RUSC1: variants seen among roughly 807,000 people sequenced by gnomAD.
RUSC1 encodes AP-4 complex accessory subunit RUSC1.
RUSC1 carries 40 observed loss-of-function variants against 72.1 expected under a neutral mutation model. The ratio of observed to expected loss-of-function variants is 0.55; its 90% CI spans 0.43 to 0.72. RUSC1 has a LOEUF of 0.72. RUSC1 is among the 30% of genes least tolerant of loss of function. The pLI is 0.00. For synonymous variants in RUSC1, 512 were observed against 494.2 expected (o/e 1.04, Z -0.48); for missense variants, 1,092 against 1,172.3 (o/e 0.93, Z 1.00).
rs1457575320 is a variant in RUSC1 at position 155,328,219 on chromosome 1, G to A, written c.2484G>A (p.Glu828=). ...TTGTGAAGCGGGGGGCACCTCCCGA[G>A]ATGCCTTCTCCTCAGGAGCTTGAGG... ...LALVKRGAPP[E]MPSPQELEAS... Residue 828 remains glutamate, a synonymous_variant, in exon 9 of 10, where the codon GAG becomes GAA. Transcript: ENST00000368352. 2 of 1,613,448 alleles carry A rather than the reference G, an allele frequency of 1.2e-6. No homozygotes were observed. The highest frequency in any genetic ancestry group is 3.3e-5 in the Admixed American group (2 of 59,948).
At position 155,325,406 on chromosome 1, in the gene RUSC1, G is replaced by C. The variant is rs1377930454; in HGVS notation, c.1624G>C (p.Gly542Arg). ...GGCCCTCCACGCCCTGGTGGCGGAC[G>C]GGCTGAAGCCTTTCCGGAAGGACCT... ...CPALHALVAD[G>R]LKPFRKDLIT... The change falls in exon 5 of 10, where the codon GGG (glycine) becomes CGG (arginine). Residue 542 changes from glycine (G) to arginine (R), a missense_variant. Physicochemically the swap from Gly to Arg is moderately radical, Grantham distance 125. Coordinates refer to ENST00000368352, the MANE Select transcript of RUSC1 (RefSeq NM_001105203.2). The surrounding 1 kb of genome is among the most constrained non-coding windows in gnomAD (Gnocchi z 6.5). 1 of 1,592,072 alleles carries C rather than the reference G, an allele frequency of 6.3e-7. No individual in the cohort carries two copies. Among genetic ancestry groups the C allele is most frequent in the Non-Finnish European group, 8.5e-7 (1 of 1,173,624 alleles).
chr1:155,326,954 G>C lies in RUSC1; in HGVS notation c.2236G>C (p.Glu746Gln), dbSNP rs1422650784. Residue 746 changes from glutamate to glutamine, a missense_variant, in exon 8 of 10, where the codon GAG becomes CAG. Coordinates refer to ENST00000368352, the MANE Select transcript of RUSC1 (RefSeq NM_001105203.2). The surrounding 1 kb of genome is among the most constrained non-coding windows in gnomAD (Gnocchi z 4.7). The part of the protein sequence containing the change: ...ASRVYASGGT[E>Q]GFPLSRWAPG... ...CCGGGTCTATGCCTCTGGGGGCACTGAGGGCTTTCCTCTTTCCCGATGGGC... is the reference window on the plus strand; with the variant it reads ...CCGGGTCTATGCCTCTGGGGGCACTCAGGGCTTTCCTCTTTCCCGATGGGC... 1.2e-5 allele frequency: 19 copies of C among 1,613,826 alleles called. No homozygotes were observed. The highest frequency in any genetic ancestry group is 1.6e-5 in the Non-Finnish European group (19 of 1,180,048).
In RUSC1 at chr1:155,325,701, C is replaced by G. The variant is rs749753645; in HGVS notation, c.1814+29C>G. On this transcript the variant is annotated intron_variant, in intron 6 of 9. Transcript: ENST00000368352. This position sits in a 1 kb window ranked among gnomAD's most constrained non-coding sequence, Gnocchi z 6.5. ...AGTTGCCTTCTTTCCAGTGCCCTTC[C>G]CACGACCTGGGACTGCAGGAGCGTC... 8 of 1,611,046 alleles carry G rather than the reference C, an allele frequency of 5.0e-6. No individual in the cohort carries two copies. The South Asian group carries it at 8.8e-5, about 18-fold the overall frequency.
intron 2 of RUSC1, chr1:155,324,295 C>T (rs1413182143): frequency 3.2e-6 from 5 of 1,557,246 alleles, no homozygotes; most frequent in Non-Finnish European, 4.3e-6. Flanking sequence ...AAGAGGGCAC[C>T]CTCCGCCAAG....
rs376333681 is a variant in RUSC1, at chr1:155,322,381, C to T, written c.608C>T (p.Ala203Val). 22 of 1,613,916 alleles carry T rather than the reference C, an allele frequency of 1.4e-5. No homozygotes were observed. The highest frequency in any genetic ancestry group is 8.9e-5 in the East Asian group (4 of 44,890). ...GGCTTGGAGGAAGAGGACGAGAGGG[C>T]GGAGCAGGATCTCCCTACCTCTGAG... Reference protein sequence around the residue: ...SPGLEEEDERAEQDLPTSELL... With the variant: ...SPGLEEEDERVEQDLPTSELL... Residue 203 changes from alanine (A) to valine (V), a missense_variant, in exon 2 of 10, where the codon GCG becomes GTG. Ala to Val is a moderately conservative substitution (Grantham distance 64). Transcript: ENST00000368352.
rs1650651019 is a variant in RUSC1 at position 155,322,285 on chromosome 1, C to T, written c.512C>T (p.Ser171Phe). The change falls in exon 2 of 10, where the codon TCT (serine) becomes TTT (phenylalanine). Residue 171 changes from serine to phenylalanine, a missense_variant. Coordinates refer to ENST00000368352, the MANE Select transcript of RUSC1 (RefSeq NM_001105203.2). ...TCTCCTGATTCCTGCTCCGGAGCTT[C>T]TTCTTCACCCGATCCTGGCCTGGAC... ...CCSPDSCSGA[S>F]SSPDPGLDSN... The T allele has an allele frequency of 6.2e-7, 1 of 1,611,508 alleles. No homozygotes were observed. Among genetic ancestry groups the T allele is most frequent in the African/African-American group, 1.3e-5 (1 of 74,966 alleles).
At chr1:155,327,274 C>T (rs1651519212) in intron 8 of RUSC1, 142 bp downstream of exon 8, 2 of 856,536 alleles carry the variant, frequency 2.3e-6, no homozygotes, top group Middle Eastern at 3.4e-4. Flanking sequence ...AAAATGGTTA[C>T]ATTTTAATGG....
chr1:155,325,061 G>A lies in RUSC1; in HGVS notation c.1457-41G>A. On this transcript the variant is annotated intron_variant, in intron 3 of 9. Transcript: ENST00000368352. The surrounding 1 kb of genome is among the most constrained non-coding windows in gnomAD (Gnocchi z 6.5). ...CGCCCCTCGGGCAAGCCTGGGTAGG[G>A]GCGCGGCCTCCTAGCGTCTTCCCTT... 1 of 1,614,112 alleles carries A rather than the reference G, an allele frequency of 6.2e-7. No individual in the cohort carries two copies. The highest frequency in any genetic ancestry group is 1.6e-4 in the Middle Eastern group (1 of 6,062).
intron 9 of RUSC1, among the ~76,000 whole-genome samples, chr1:155,328,534 G>C (rs1168189336): frequency 6.6e-6 from 1 of 151,568 alleles, no homozygotes; most frequent in Non-Finnish European, 1.5e-5. Flanking sequence ...CCCTTCCTGG[G>C]TTCTCCTGTC....
At chr1:155,328,025 G>A in intron 8 of RUSC1, 125 bp from the exon 9 acceptor site, 2 of 1,264,654 alleles carry the variant, frequency 1.6e-6, no homozygotes, top group Non-Finnish European at 1.1e-6. Flanking sequence ...GCCCTCAGCA[G>A]TGACTAACCC....
chr1:155,324,195 G>A, intron 2 of RUSC1: 1 of 1,403,330 alleles, frequency 7.1e-7, no homozygotes, highest in African/African-American at 1.5e-5. Flanking sequence ...GACCTTGCTA[G>A]GGAGGGGTGG....
rs747395946 is a variant in RUSC1, at chr1:155,330,388, T to C, written c.2541-15T>C. On this transcript the variant is annotated splice_polypyrimidine_tract_variant and intron_variant, in intron 9 of 9. Transcript: ENST00000368352. ...ACCTCACCTCATCCCAGTATCTTCC[T>C]CTGGCTCCCCTCAGGGCAGTGCGGG... is the stretch of plus-strand genomic sequence containing the variant. The C allele has an allele frequency of 1.2e-6, 2 of 1,612,224 alleles. No individual in the cohort carries two copies. Among genetic ancestry groups the C allele is most frequent in the Admixed American group, 3.3e-5 (2 of 59,992 alleles).
In RUSC1 at chr1:155,322,875, G is replaced by A; in HGVS notation, c.1102G>A (p.Val368Ile). ...PGGSSAPPRE[V>I]TTFKELRSRS... ...CGGCTCCTCGGCACCTCCTCGGGAA[G>A]TCACCACCTTCAAGGAACTCCGGTC... Residue 368 changes from valine (V) to isoleucine (I), a missense_variant, in exon 2 of 10, where the codon GTC (valine) becomes ATC (isoleucine). Transcript: ENST00000368352. The A allele has an allele frequency of 6.2e-7, 1 of 1,612,622 alleles. No homozygotes were observed.
rs747363737 is a variant in RUSC1 at position 155,322,417 on chromosome 1, C to T, written c.644C>T (p.Ala215Val). The change falls in exon 2 of 10, where the codon GCG (alanine) becomes GTG (valine). Residue 215 changes from alanine to valine, a missense_variant. By Grantham distance (64) the Ala-to-Val change is moderately conservative. Transcript: ENST00000368352. ...CTCCCTACCTCTGAGCTCTTAGAGGCGGATGATGGGAAAATCGACGCTGGG... is the reference window on the plus strand; with the variant it reads ...CTCCCTACCTCTGAGCTCTTAGAGGTGGATGATGGGAAAATCGACGCTGGG... Reference protein sequence around the residue: ...QDLPTSELLEADDGKIDAGKT... With the variant: ...QDLPTSELLEVDDGKIDAGKT... 2 of 1,614,092 alleles carry T rather than the reference C, an allele frequency of 1.2e-6. No homozygotes were observed. Among genetic ancestry groups the T allele is most frequent in the Admixed American group, 1.7e-5 (1 of 60,022 alleles).
At chr1:155,330,232 G>A (rs1276618952) in intron 9 of RUSC1, among the ~76,000 whole-genome samples, 171 bp from the exon 10 acceptor site, 2 of 152,134 alleles carry the variant, frequency 1.3e-5, no homozygotes, top group Admixed American at 1.3e-4. Flanking sequence ...TCAGGAGAAG[G>A]CTGGGGCCCC....
At chr1:155,321,237 C>G (rs1408685266) in intron 1 of RUSC1, 1 of 1,360,100 alleles carries the variant, frequency 7.4e-7, no homozygotes, top group East Asian at 4.6e-5. Flanking sequence ...CCTCTCCAGC[C>G]CCCACCCCTT....
At position 155,325,232 on chromosome 1, in the gene RUSC1, G is replaced by C. The variant is rs990680080; in HGVS notation, c.1533+54G>C. ...GATGAGGAGAGTAATGGAGCTCCGCGGGGGGTGCGGGAATGGTTGGCGGGA... is the reference window on the plus strand; with the variant it reads ...GATGAGGAGAGTAATGGAGCTCCGCCGGGGGTGCGGGAATGGTTGGCGGGA... On this transcript the variant is annotated intron_variant, in intron 4 of 9. Transcript: ENST00000368352. This position sits in a 1 kb window ranked among gnomAD's most constrained non-coding sequence, Gnocchi z 6.5. The C allele has an allele frequency of 3.1e-6, 5 of 1,612,766 alleles. No individual in the cohort carries two copies. In the South Asian group the frequency reaches 5.5e-5, roughly 18 times the overall value.
In RUSC1 at chr1:155,325,118, C is replaced by G. The variant is rs748780891; in HGVS notation, c.1473C>G (p.Val491=). Residue 491 remains valine (V), a synonymous_variant, in exon 4 of 10, where the codon GTC becomes GTG. Transcript: ENST00000368352. The surrounding 1 kb of genome is among the most constrained non-coding windows in gnomAD (Gnocchi z 6.5). ...TCCTCCCAGGTCTTCTGATAGCCGT[C>G]AGCGTCTCCGTTGATAAAATCATCT... is the stretch of plus-strand genomic sequence containing the variant. ...QEQKKGLLIA[V]SVSVDKIISH... 2.2e-5 allele frequency: 35 copies of G among 1,614,148 alleles called. No individual in the cohort carries two copies. Among genetic ancestry groups the G allele is most frequent in the Non-Finnish European group, 2.9e-5 (34 of 1,180,056 alleles).
At position 155,322,401 on chromosome 1, in the gene RUSC1, T is replaced by A; in HGVS notation, c.628T>A (p.Ser210Thr). Reference sequence around the variant, plus strand: ...GAGGGCGGAGCAGGATCTCCCTACCTCTGAGCTCTTAGAGGCGGATGATGG... The same window carrying A: ...GAGGGCGGAGCAGGATCTCCCTACCACTGAGCTCTTAGAGGCGGATGATGG... ...DERAEQDLPT[S>T]ELLEADDGKI... Residue 210 changes from serine (S) to threonine (T), a missense_variant, in exon 2 of 10, where the codon TCT (serine) becomes ACT (threonine). By Grantham distance (58) the Ser-to-Thr change is moderately conservative (BLOSUM62 1). Coordinates refer to ENST00000368352, the MANE Select transcript of RUSC1 (RefSeq NM_001105203.2). 1 of 1,614,056 alleles carries A rather than the reference T, an allele frequency of 6.2e-7. No individual in the cohort carries two copies. The highest frequency in any genetic ancestry group is 8.5e-7 in the Non-Finnish European group (1 of 1,179,996).
Sources: allele counts gnomAD v4.1 joint callset (sites outside exome capture counted in the v4.1 genomes callset), GRCh38; gene constraint gnomAD v4.1.1; non-coding constraint Gnocchi (gnomAD v3.1); transcripts MANE v1.5; gene names NCBI Gene and HGNC (gene_info 2026-07-23, HGNC 2026-07-21).